Variants in NOS1AP observed in about 807,000 individuals in gnomAD.
The protein encoded by NOS1AP is nitric oxide synthase 1 adaptor protein.
In NOS1AP, 21 loss-of-function variants were observed where a neutral mutation model predicts 56.2. The observed-to-expected ratio is 0.37, with a 90% confidence interval of 0.26 to 0.54. The LOEUF is 0.54. NOS1AP is among the 20% of genes least tolerant of loss of function. The probability of loss-of-function intolerance (pLI) is 0.84; values close to 1 mark genes in which losing one functional copy is unlikely to be tolerated. For missense variants in NOS1AP, 522 were observed against 657.8 expected (o/e 0.79, Z 2.26); for synonymous variants, 270 against 274.6 (o/e 0.98, Z 0.17).
intron 2 of NOS1AP, among the ~76,000 whole-genome samples, chr1:162,195,811 A>G (rs1034128383): frequency 6.6e-6 from 1 of 152,152 alleles, no homozygotes; most frequent in Non-Finnish European, 1.5e-5. Context: ...TGTTTCATGT[A>G]TAGCCCGTAA....
chr1:162,367,666 G>C lies in NOS1AP; in HGVS notation c.*199G>C, dbSNP rs1571252093. The C allele has an allele frequency of 1.6e-6, 1 of 634,574 alleles. No homozygotes were observed. The highest frequency in any genetic ancestry group is 2.7e-6 in the Non-Finnish European group (1 of 372,462). The allele number at this position is 634,574 out of a possible 1,614,324, so 39.3% of individuals were successfully genotyped here. ...GGGAAGAAATCGGATTCCCAGAGGTGAATCAGCTCCTCTCCTACTTGTGAC... is the reference window on the plus strand; with the variant it reads ...GGGAAGAAATCGGATTCCCAGAGGTCAATCAGCTCCTCTCCTACTTGTGAC... On this transcript the variant is annotated 3_prime_UTR_variant, in exon 10 of 10. Coordinates refer to ENST00000361897, the MANE Select transcript of NOS1AP (RefSeq NM_014697.3). The surrounding 1 kb of genome is among the most constrained non-coding windows in gnomAD (Gnocchi z 6.5).
At chr1:162,106,526 T>C (rs999278264) in intron 1 of NOS1AP, among the ~76,000 whole-genome samples, 3 of 152,208 alleles carry the variant, frequency 2.0e-5, no homozygotes, top group African/African-American at 7.2e-5. Flanking sequence ...TAAATGTTTC[T>C]CATCTTCTCT....
At chr1:162,316,079 A>G (rs1401307004) in intron 4 of NOS1AP, among the ~76,000 whole-genome samples, 7 of 152,172 alleles carry the variant, frequency 4.6e-5, no homozygotes, top group African/African-American at 1.7e-4. Flanking sequence ...CATTCTGTAG[A>G]CTTTTATTCG....
chr1:162,111,893 C>T (rs1420094063), intron 1 of NOS1AP, among the ~76,000 whole-genome samples: 2 of 152,318 alleles, frequency 1.3e-5, no homozygotes, highest in East Asian at 3.9e-4. Flanking sequence ...GCTTTCCAAC[C>T]TGCAGTCCTC....
chr1:162,335,312 C>T (rs1394029763), intron 5 of NOS1AP, among the ~76,000 whole-genome samples: 2 of 152,146 alleles, frequency 1.3e-5, no homozygotes, highest in African/African-American at 2.4e-5. Context: ...TCAGCCTGGG[C>T]GTTGAGCCCT....
intron 2 of NOS1AP, among the ~76,000 whole-genome samples, chr1:162,256,095 G>C (rs1389134848): frequency 6.6e-6 from 1 of 151,966 alleles, no homozygotes; most frequent in East Asian, 1.9e-4. Context: ...ATTGAGCCAA[G>C]ATCGCGCCAC....
chr1:162,285,526 G>T (rs567982904), intron 2 of NOS1AP, among the ~76,000 whole-genome samples: 1 of 152,102 alleles, frequency 6.6e-6, no homozygotes, highest in African/African-American at 2.4e-5. Flanking sequence ...TTTAACCTTC[G>T]CTGGTTTGTG....
At chr1:162,125,230 T>C (rs2102056804) in intron 1 of NOS1AP, among the ~76,000 whole-genome samples, 1 of 151,148 alleles carries the variant, frequency 6.6e-6, no homozygotes, top group African/African-American at 2.4e-5. Flanking sequence ...ACCTCCTGGG[T>C]TGAAGCGATT....
At position 162,265,356 on chromosome 1, in the gene NOS1AP, C is replaced by A. The variant is rs933421079; in HGVS notation, c.178-21988C>A. Among the ~76,000 whole-genome samples the A allele has an allele frequency of 2.6e-5, 4 of 151,252 alleles. No individual in the cohort carries two copies. In the South Asian group the frequency reaches 8.5e-4, roughly 32 times the overall value. On this transcript the variant is annotated intron_variant, in intron 2 of 9. Coordinates refer to ENST00000361897, the MANE Select transcript of NOS1AP (RefSeq NM_014697.3). The stretch of plus-strand genomic sequence containing the variant: ...ACTCATCATTTAGCATTAGGTATAT[C>A]TCCTAATGCTATCCCTCCCCCCTCC...
chr1:162,300,439 A>C (rs113829396), intron 3 of NOS1AP, among the ~76,000 whole-genome samples, 194 bp from the exon 4 acceptor site: 96 of 152,294 alleles, frequency 6.3e-4, no homozygotes, highest in Non-Finnish European at 3.5e-4. Context: ...GCACTCTCCT[A>C]AAGTGCTTGG....
intron 2 of NOS1AP, among the ~76,000 whole-genome samples, chr1:162,255,065 G>A (rs1557850924): frequency 6.6e-6 from 1 of 152,158 alleles, no homozygotes; most frequent in Non-Finnish European, 1.5e-5. Context: ...TAGAGCTCCA[G>A]GAATAGTACA....
rs373982276 is a variant in NOS1AP at position 162,170,855 on chromosome 1, C to A, written c.177+16379C>A. Among the ~76,000 whole-genome samples the A allele has an allele frequency of 4.2e-4, 64 of 151,974 alleles. 1 individual carries two copies. In the East Asian group the frequency reaches 0.012, roughly 29 times the overall value. ...TCAAGAGGCTGAGGCAGGAGAATCG[C>A]TTGAACCAGGGAGGCGGAGGTTGCA... On this transcript the variant is annotated intron_variant, in intron 2 of 9. Coordinates refer to ENST00000361897, the MANE Select transcript of NOS1AP (RefSeq NM_014697.3).
intron 2 of NOS1AP, among the ~76,000 whole-genome samples, chr1:162,205,622 G>A (rs4657169): frequency 0.48 from 73,449 of 151,964 alleles, 18,497 homozygotes; most frequent in South Asian, 0.62. Context: ...TGGTTTTTCC[G>A]GGGAGTATTC....
chr1:162,080,535 A>G (rs1691862597), intron 1 of NOS1AP, among the ~76,000 whole-genome samples: 1 of 152,202 alleles, frequency 6.6e-6, no homozygotes, highest in Admixed American at 6.5e-5. Flanking sequence ...GCACTCCCCT[A>G]ATCCCACAGC....
At chr1:162,360,358 A>G (rs529328495) in intron 8 of NOS1AP, among the ~76,000 whole-genome samples, 1 of 152,294 alleles carries the variant, frequency 6.6e-6, no homozygotes, top group East Asian at 1.9e-4. Context: ...CAAGGGTGTG[A>G]ATGAGAGTAT....
At chr1:162,242,274 G>T (rs1421200829) in intron 2 of NOS1AP, among the ~76,000 whole-genome samples, 1 of 152,188 alleles carries the variant, frequency 6.6e-6, no homozygotes, top group East Asian at 1.9e-4. Context: ...TGGAGTTTGT[G>T]ACTACTCTTG....
At chr1:162,214,871 G>C (rs1652507116) in intron 2 of NOS1AP, among the ~76,000 whole-genome samples, 1 of 151,842 alleles carries the variant, frequency 6.6e-6, no homozygotes, top group South Asian at 2.1e-4. Context: ...TCTCTTTTTT[G>C]CCTCTAATAG....
intron 4 of NOS1AP, chr1:162,317,928 C>T (rs557497379): frequency 1.3e-4 from 20 of 152,352 alleles, no homozygotes; most frequent in Non-Finnish European, 1.9e-4. Context: ...CACATCAAAA[C>T]GGCATTAGCT....
At chr1:162,085,379 T>TAATCA (rs1227455383) in intron 1 of NOS1AP, among the ~76,000 whole-genome samples, 1 of 152,106 alleles carries the variant, frequency 6.6e-6, no homozygotes, top group Non-Finnish European at 1.5e-5. Context: ...CAGATAATTC[T>TAATCA]AATCAAATCA....
Sources: gnomAD v4.1 joint callset for allele counts (sites outside exome capture counted in the v4.1 genomes callset) on GRCh38, gnomAD v4.1.1 for gene constraint, Gnocchi (gnomAD v3.1) non-coding constraint, MANE v1.5 for transcripts, NCBI Gene and HGNC (gene_info 2026-07-23, HGNC 2026-07-21) for gene names.